The following CARM1 variants were observed in gnomAD, a reference collection of about 807,000 sequenced individuals.
The protein encoded by CARM1 is histone-arginine methyltransferase CARM1.
Under a neutral mutation model 72.7 loss-of-function variants are expected in CARM1, and 14 were observed. That is an observed-to-expected ratio of 0.19 (90% CI 0.13 to 0.30). CARM1 has a LOEUF of 0.30. Among genes scored for constraint, CARM1 ranks in the 10% least tolerant of loss-of-function variants. The pLI is 1.00. For synonymous variants in CARM1, 333 were observed against 345.5 expected (o/e 0.96, Z 0.40); for missense variants, 432 against 833.7 (o/e 0.52, Z 5.93).
intron 2 of CARM1, among the ~76,000 whole-genome samples, chr19:10,907,728 G>A (rs572272044): frequency 3.3e-5 from 5 of 152,298 alleles, no homozygotes; most frequent in African/African-American, 1.2e-4. Flanking sequence ...TCCTGGGCCG[G>A]TGGGCGTGTG....
Position 10,920,049 on chromosome 19 carries a change from C to A in CARM1, c.1196+83C>A, listed in dbSNP as rs2074228104. Reference sequence around the variant, plus strand: ...CTGCAACCTGGCTGGGGGGGTGGAACATGGCTCCAGGTTCCACCATCCCTT... The same window carrying A: ...CTGCAACCTGGCTGGGGGGGTGGAAAATGGCTCCAGGTTCCACCATCCCTT... On this transcript the variant is annotated intron_variant, in intron 10 of 15. Coordinates refer to ENST00000327064, the MANE Select transcript of CARM1 (RefSeq NM_199141.2). This position sits in a 1 kb window ranked among gnomAD's most constrained non-coding sequence, Gnocchi z 5.3. The A allele has an allele frequency of 2.8e-6, 3 of 1,074,218 alleles. No homozygotes were observed. The highest frequency in any genetic ancestry group is 4.3e-6 in the Non-Finnish European group (3 of 705,514). 66.5% of individuals were successfully genotyped at this position (1,074,218 alleles called of 1,614,324 possible). A position where few individuals can be genotyped will look rare whatever the true frequency, so the allele number is the denominator to read the frequency against.
At chr19:10,914,077 G>C in intron 6 of CARM1, 23 bp downstream of exon 6, 1 of 1,595,226 alleles carries the variant, frequency 6.3e-7, no homozygotes, top group Non-Finnish European at 8.5e-7. Context: ...GGGTACACAG[G>C]CCAGGCCCCT....
chr19:10,873,268 G>C (rs919148138), intron 1 of CARM1, among the ~76,000 whole-genome samples: 2 of 152,154 alleles, frequency 1.3e-5, no homozygotes, highest in African/African-American at 4.8e-5. Flanking sequence ...CCTCAAAGGA[G>C]TTCCAGGAGA....
At chr19:10,876,800 C>T (rs965601649) in intron 1 of CARM1, among the ~76,000 whole-genome samples, 8 of 152,360 alleles carry the variant, frequency 5.3e-5, no homozygotes, top group Non-Finnish European at 1.2e-4. Flanking sequence ...GAGGCAGTTT[C>T]TCAGGGAGGG....
chr19:10,878,947 C>T (rs1466144901), intron 1 of CARM1, among the ~76,000 whole-genome samples: 1 of 152,118 alleles, frequency 6.6e-6, no homozygotes, highest in African/African-American at 2.4e-5. Flanking sequence ...TCTGGGACTA[C>T]AGGCGTGTGC....
chr19:10,892,116 G>A (rs141902074), intron 1 of CARM1, among the ~76,000 whole-genome samples: 69 of 152,266 alleles, frequency 4.5e-4, no homozygotes, highest in Middle Eastern at 6.8e-3. Flanking sequence ...AGTGTGTACC[G>A]ATGGAAATTG....
At chr19:10,885,790 G>C (rs2146309704) in intron 1 of CARM1, among the ~76,000 whole-genome samples, 1 of 151,930 alleles carries the variant, frequency 6.6e-6, no homozygotes, top group East Asian at 1.9e-4. Flanking sequence ...GATGCAGGAT[G>C]ATGGGATGCC....
At chr19:10,884,555 C>T (rs1164791321) in intron 1 of CARM1, among the ~76,000 whole-genome samples, 1 of 151,910 alleles carries the variant, frequency 6.6e-6, no homozygotes, top group Non-Finnish European at 1.5e-5. Context: ...CAGTTGCCCC[C>T]CCTCCCCCTG....
chr19:10,879,340 G>T (rs2073885405), intron 1 of CARM1, among the ~76,000 whole-genome samples: 1 of 152,240 alleles, frequency 6.6e-6, no homozygotes, highest in South Asian at 2.1e-4. Flanking sequence ...TGCAAGGGAT[G>T]CTGGGAAATG....
intron 1 of CARM1, among the ~76,000 whole-genome samples, chr19:10,890,010 T>C (rs2073969321): frequency 6.6e-6 from 1 of 152,110 alleles, no homozygotes; most frequent in East Asian, 1.9e-4. Context: ...GGGATGTAAA[T>C]GTTGAGGCGG....
chr19:10,879,643 C>T (rs1487864946), intron 1 of CARM1, among the ~76,000 whole-genome samples: 4 of 152,044 alleles, frequency 2.6e-5, no homozygotes, highest in African/African-American at 7.3e-5. Context: ...GATGAATTCT[C>T]GCCCTGTCAC....
At chr19:10,889,481 A>ATTTTTTTTTT (rs35291257) in intron 1 of CARM1, among the ~76,000 whole-genome samples, 1 of 129,452 alleles carries the variant, frequency 7.7e-6, no homozygotes, top group Non-Finnish European at 1.6e-5. Context: ...TGCCCGGCTA[A>ATTTTTTTTTT]TTTTTTTTTT....
At chr19:10,878,723 G>A (rs1409620313) in intron 1 of CARM1, among the ~76,000 whole-genome samples, 2 of 151,846 alleles carry the variant, frequency 1.3e-5, no homozygotes, top group African/African-American at 2.4e-5. Flanking sequence ...TATTTTTTGT[G>A]CTCTAATGCT....
At chr19:10,911,868 C>T (rs963384909) in intron 4 of CARM1, among the ~76,000 whole-genome samples, 3 of 152,188 alleles carry the variant, frequency 2.0e-5, no homozygotes, top group Non-Finnish European at 4.4e-5. Context: ...GCTAGAACTG[C>T]GGAGGCCCCG....
chr19:10,909,538 A>G (rs2145228491), intron 4 of CARM1, among the ~76,000 whole-genome samples: 1 of 152,104 alleles, frequency 6.6e-6, no homozygotes, highest in East Asian at 1.9e-4. Context: ...GATCGAGACC[A>G]TCCTGGCTAA....
chr19:10,874,228 G>A, intron 1 of CARM1, among the ~76,000 whole-genome samples: 2 of 151,900 alleles, frequency 1.3e-5, no homozygotes, highest in Non-Finnish European at 2.9e-5. Flanking sequence ...TGGGATTACA[G>A]GTGTGAGCCA....
rs1316746544 is a variant in CARM1 at position 10,915,296 on chromosome 19, G to A, written c.848-1111G>A. On this transcript the variant is annotated intron_variant, in intron 6 of 15. Transcript: ENST00000327064. The surrounding 1 kb of genome is among the most constrained non-coding windows in gnomAD (Gnocchi z 4.6). ...GGGGATGGGGGTGGGGACAGCCCCA[G>A]CAGAGAGGGCCCCTCCCGATGGGAC... 1.3e-5 allele frequency among the ~76,000 whole-genome samples: 2 copies of A among 152,140 alleles called. No individual in the cohort carries two copies. Among genetic ancestry groups the A allele is most frequent in the East Asian group, 3.9e-4 (2 of 5,176 alleles).
At position 10,890,795 on chromosome 19, in the gene CARM1, A is replaced by ATAT. The variant is rs1217665879; in HGVS notation, c.221-14155_221-14154insATT. Among the ~76,000 whole-genome samples the ATAT allele has an allele frequency of 1.4e-3, 67 of 47,464 alleles. 2 individuals are homozygous for ATAT. Among genetic ancestry groups the ATAT allele is most frequent in the South Asian group, 1.9e-3 (2 of 1,058 alleles). The allele number at this position is 47,464 out of a possible 152,430, so 31.1% of individuals were successfully genotyped here. A position where few individuals can be genotyped will look rare whatever the true frequency, so the allele number is the denominator to read the frequency against. Reference sequence around the variant, plus strand: ...CACACATATATATATATATATATATATTTTTTTTTTTTTTTTTTTTTTTTT... The same window carrying ATAT: ...CACACATATATATATATATATATATATATTTTTTTTTTTTTTTTTTTTTTTTTT... On this transcript the variant is annotated intron_variant, in intron 1 of 15. Transcript: ENST00000327064.
chr19:10,909,946 G>A (rs1181706766), intron 4 of CARM1, among the ~76,000 whole-genome samples: 2 of 152,090 alleles, frequency 1.3e-5, no homozygotes, highest in African/African-American at 2.4e-5. Flanking sequence ...TTATTGAGCT[G>A]GGCAGAGTAG....
Sources: allele counts gnomAD v4.1 joint callset (sites outside exome capture counted in the v4.1 genomes callset), GRCh38; gene constraint gnomAD v4.1.1; non-coding constraint Gnocchi (gnomAD v3.1); transcripts MANE v1.5; gene names NCBI Gene and HGNC (gene_info 2026-07-23, HGNC 2026-07-21).